CNTNAP2: variants seen among roughly 807,000 people sequenced by gnomAD.
CNTNAP2 encodes the protein contactin associated protein 2.
CNTNAP2 carries 98 observed loss-of-function variants against 155.2 expected under a neutral mutation model. That is an observed-to-expected ratio of 0.63 (90% CI 0.54 to 0.75). CNTNAP2 has a LOEUF of 0.75. Among genes scored for constraint, CNTNAP2 ranks in the 30% least tolerant of loss-of-function variants. CNTNAP2 has a pLI of 0.00. For missense variants in CNTNAP2, 1,727 were observed against 1,688.1 expected, an observed-to-expected ratio of 1.02 and a Z score of -0.40; for synonymous variants, 651 against 631.2, an observed-to-expected ratio of 1.03 and a Z score of -0.47.
At chr7:147,368,379 T>C (rs1413267334) in intron 9 of CNTNAP2, among the ~76,000 whole-genome samples, 3 of 151,954 alleles carry the variant, frequency 2.0e-5, no homozygotes, top group Non-Finnish European at 4.4e-5. Flanking sequence ...TTGGGTTTGG[T>C]TTTCTGTCTC....
intron 13 of CNTNAP2, among the ~76,000 whole-genome samples, chr7:147,853,567 T>C (rs567037496): frequency 1.3e-5 from 2 of 152,216 alleles, no homozygotes; most frequent in African/African-American, 2.4e-5. Context: ...TTATATATGT[T>C]ATTTCTGTTT....
chr7:147,705,845 G>C (rs867774072), intron 13 of CNTNAP2, among the ~76,000 whole-genome samples: 1 of 152,058 alleles, frequency 6.6e-6, no homozygotes, highest in African/African-American at 2.4e-5. Flanking sequence ...CTTAAAGTCT[G>C]TGTTTTCTCA....
chr7:146,803,079 A>T (rs1006532978), intron 2 of CNTNAP2, among the ~76,000 whole-genome samples: 1 of 152,196 alleles, frequency 6.6e-6, no homozygotes, highest in Non-Finnish European at 1.5e-5. Context: ...CATTTATGGG[A>T]GTAAATGCCA....
At chr7:146,342,805 C>A (rs1195279370) in intron 1 of CNTNAP2, among the ~76,000 whole-genome samples, 1 of 152,166 alleles carries the variant, frequency 6.6e-6, no homozygotes, top group Non-Finnish European at 1.5e-5. Context: ...TTATTTTATG[C>A]CTGTAAGACA....
intron 2 of CNTNAP2, among the ~76,000 whole-genome samples, chr7:146,825,497 T>A (rs969140945): frequency 6.6e-6 from 1 of 152,160 alleles, no homozygotes; most frequent in African/African-American, 2.4e-5. Flanking sequence ...AGTTAGATCT[T>A]AAAGAATTTG....
At chr7:147,747,410 T>C (rs10245935) in intron 13 of CNTNAP2, among the ~76,000 whole-genome samples, 1 of 152,128 alleles carries the variant, frequency 6.6e-6, no homozygotes, top group African/African-American at 2.4e-5. Context: ...CAAAATTTTC[T>C]TACCAAATTG....
intron 15 of CNTNAP2, among the ~76,000 whole-genome samples, chr7:148,109,294 G>A (rs538133361): frequency 6.6e-5 from 10 of 152,158 alleles, no homozygotes; most frequent in African/African-American, 2.2e-4. Context: ...AAATAGGGTC[G>A]AGCTGCTTAT....
intron 9 of CNTNAP2, among the ~76,000 whole-genome samples, chr7:147,331,080 A>G (rs1247758019): frequency 1.3e-5 from 2 of 152,126 alleles, no homozygotes; most frequent in Non-Finnish European, 2.9e-5. Context: ...ATCAGAGCCT[A>G]GGTATATTTG....
chr7:146,234,690 G>A (rs945664219), intron 1 of CNTNAP2, among the ~76,000 whole-genome samples: 2 of 152,072 alleles, frequency 1.3e-5, no homozygotes, highest in South Asian at 4.1e-4. Flanking sequence ...TGGCTAGCCA[G>A]TTTTCCCAGC....
intron 3 of CNTNAP2, among the ~76,000 whole-genome samples, chr7:146,853,286 T>G (rs1471889866): frequency 2.6e-5 from 4 of 152,198 alleles, no homozygotes; most frequent in Non-Finnish European, 5.9e-5. Context: ...GGAATGCCAA[T>G]GATGTTGGTT....
chr7:147,521,976 A>G (rs1349564726), intron 11 of CNTNAP2, among the ~76,000 whole-genome samples: 1 of 152,222 alleles, frequency 6.6e-6, no homozygotes, highest in African/African-American at 2.4e-5. Flanking sequence ...TAAATAACAG[A>G]ACCTTATTTC....
At chr7:146,971,305 A>G (rs944748262) in intron 3 of CNTNAP2, among the ~76,000 whole-genome samples, 1 of 152,222 alleles carries the variant, frequency 6.6e-6, no homozygotes, top group Non-Finnish European at 1.5e-5. Context: ...ACAGAAGCTT[A>G]ATTTATCCTA....
chr7:146,566,301 C>G (rs1198696738), intron 1 of CNTNAP2, among the ~76,000 whole-genome samples: 4 of 152,180 alleles, frequency 2.6e-5, no homozygotes, highest in Admixed American at 2.6e-4. Context: ...ATTTATCTTT[C>G]AATTTCCATG....
At chr7:147,807,227 C>G (rs1273698077) in intron 13 of CNTNAP2, among the ~76,000 whole-genome samples, 1 of 144,906 alleles carries the variant, frequency 6.9e-6, no homozygotes, top group Non-Finnish European at 1.5e-5. Context: ...AGAGGCTGAG[C>G]TGGGAGGATC....
At chr7:146,965,710 T>A (rs891513754) in intron 3 of CNTNAP2, among the ~76,000 whole-genome samples, 5 of 152,146 alleles carry the variant, frequency 3.3e-5, no homozygotes, top group African/African-American at 1.2e-4. Flanking sequence ...GTGAATCTGC[T>A]GAAATATCCA....
intron 14 of CNTNAP2, among the ~76,000 whole-genome samples, chr7:147,962,784 G>C (rs890554888): frequency 2.0e-5 from 3 of 152,144 alleles, no homozygotes; most frequent in African/African-American, 7.2e-5. Flanking sequence ...AAAAAGCTTT[G>C]TAATAGATGA....
intron 1 of CNTNAP2, among the ~76,000 whole-genome samples, chr7:146,660,921 G>A (rs1239076765): frequency 6.6e-6 from 1 of 152,198 alleles, no homozygotes; most frequent in Non-Finnish European, 1.5e-5. Flanking sequence ...AAGAAGTGAG[G>A]CGGGGAATGT....
chr7:147,421,823 T>C (rs2116509539), intron 10 of CNTNAP2, among the ~76,000 whole-genome samples: 1 of 152,080 alleles, frequency 6.6e-6, no homozygotes, highest in East Asian at 1.9e-4. Context: ...TGAGACCTGG[T>C]CATTTAGAGG....
intron 13 of CNTNAP2, among the ~76,000 whole-genome samples, chr7:147,786,008 A>G: frequency 6.7e-6 from 1 of 148,596 alleles, no homozygotes; most frequent in Non-Finnish European, 1.5e-5. Context: ...AAAGAAAAGA[A>G]AGGCCAGGCA....
Sources: allele counts gnomAD v4.1 joint callset (sites outside exome capture counted in the v4.1 genomes callset), GRCh38; gene constraint gnomAD v4.1.1; transcripts MANE v1.5; gene names NCBI Gene and HGNC (gene_info 2026-07-23, HGNC 2026-07-21).